Variants in CARS2 observed in about 807,000 individuals in gnomAD.
CARS2 encodes the protein cysteinyl-tRNA synthetase 2, mitochondrial.
In CARS2, 52 loss-of-function variants were observed where a neutral mutation model predicts 68.8. The ratio of observed to expected loss-of-function variants is 0.76; its 90% confidence interval spans 0.61 to 0.95. The LOEUF is 0.95. CARS2 is among the 40% of genes least tolerant of loss of function. The pLI is 0.00. For synonymous variants in CARS2, 314 were observed against 303.6 expected (o/e 1.03, Z -0.36); for missense variants, 780 against 754.2 (o/e 1.03, Z -0.40).
At position 110,696,105 on chromosome 13, in the gene CARS2, G is replaced by A. The variant is rs117097475; in HGVS notation, c.393+5333C>T. Among the ~76,000 whole-genome samples the A allele has an allele frequency of 2.1e-4, 32 of 152,270 alleles. No homozygotes were observed. In the East Asian group the frequency reaches 5.2e-3, roughly 25 times the overall value. On this transcript the variant is annotated intron_variant, in intron 3 of 14. Coordinates refer to ENST00000257347, the MANE Select transcript of CARS2 (RefSeq NM_024537.4). Reference sequence around the variant, plus strand: ...TCACCCGTGTCCCTGCAGAAGACATGAACCCATCCTTTTCTATGGCTGCAC... The same window carrying A: ...TCACCCGTGTCCCTGCAGAAGACATAAACCCATCCTTTTCTATGGCTGCAC...
chr13:110,682,707 G>A (rs988436983), intron 6 of CARS2, among the ~76,000 whole-genome samples: 5 of 152,152 alleles, frequency 3.3e-5, no homozygotes, highest in African/African-American at 9.7e-5. Flanking sequence ...TTAAATGTAC[G>A]GTAACACAGA....
chr13:110,701,571 T>A lies in CARS2; in HGVS notation c.276-16A>T, dbSNP rs1284569830. On this transcript the variant is annotated splice_polypyrimidine_tract_variant and intron_variant, in intron 2 of 14. Coordinates refer to ENST00000257347, the MANE Select transcript of CARS2 (RefSeq NM_024537.4). ...AACATATGAGCTGAAAGAAAAAAAGTGTCAGGATGTCTTTATTACACAAAG... is the reference window on the plus strand; with the variant it reads ...AACATATGAGCTGAAAGAAAAAAAGAGTCAGGATGTCTTTATTACACAAAG... 9.2e-7 allele frequency: 1 copy of A among 1,089,756 alleles called. No individual in the cohort carries two copies. Among genetic ancestry groups the A allele is most frequent in the East Asian group, 2.4e-5 (1 of 42,540 alleles). The allele number at this position is 1,089,756 out of a possible 1,614,324, so 67.5% of individuals were successfully genotyped here. A position where few individuals can be genotyped will look rare whatever the true frequency, so the allele number is the denominator to read the frequency against.
Position 110,687,825 on chromosome 13 carries a change from A to G in CARS2, c.467T>C (p.Val156Ala). Reference sequence around the variant, plus strand: ...CCTCAGGTACACCGTGGGTGGGAGAACCTGCAAGGAAGTGGAGACGTGACC... The same window carrying G: ...CCTCAGGTACACCGTGGGTGGGAGAGCCTGCAAGGAAGTGGAGACGTGACC... ...DFKQDMAALK[V>A]LPPTVYLRVT... The change falls in exon 5 of 15, where the codon GTT becomes GCT. Residue 156 changes from valine (V) to alanine (A), a missense_variant and splice_region_variant. By Grantham distance (64) the Val-to-Ala change is moderately conservative. Coordinates refer to ENST00000257347, the MANE Select transcript of CARS2 (RefSeq NM_024537.4). 6.2e-7 allele frequency: 1 copy of G among 1,602,772 alleles called. No individual in the cohort carries two copies. Among genetic ancestry groups the G allele is most frequent in the Non-Finnish European group, 8.5e-7 (1 of 1,170,940 alleles).
intron 3 of CARS2, among the ~76,000 whole-genome samples, chr13:110,695,552 A>T (rs1400186040): frequency 6.6e-6 from 1 of 152,172 alleles, no homozygotes; most frequent in Non-Finnish European, 1.5e-5. Context: ...GCAATGTGAC[A>T]TTATTCAGCC....
In CARS2 at chr13:110,641,419, G is replaced by T; in HGVS notation, c.*118C>A. On this transcript the variant is annotated 3_prime_UTR_variant, in exon 15 of 15. Transcript: ENST00000257347. ...AAACAGACGCCAGTGGGACACTGTT[G>T]GTTGCCTTACTTTAATGCTGACCTA... 1.2e-6 allele frequency: 1 copy of T among 805,894 alleles called. No individual in the cohort carries two copies. Among genetic ancestry groups the T allele is most frequent in the Non-Finnish European group, 2.2e-6 (1 of 458,110 alleles). The allele number at this position is 805,894 out of a possible 1,614,324, so 49.9% of individuals were successfully genotyped here.
intron 6 of CARS2, among the ~76,000 whole-genome samples, chr13:110,682,343 T>G (rs1281774151): frequency 2.0e-5 from 3 of 152,246 alleles, no homozygotes; most frequent in Non-Finnish European, 4.4e-5. Flanking sequence ...TGTGGGCGTC[T>G]GTGTTCCGGC....
chr13:110,669,831 G>A (rs938417016), intron 7 of CARS2, among the ~76,000 whole-genome samples: 7 of 152,096 alleles, frequency 4.6e-5, no homozygotes, highest in African/African-American at 1.7e-4. Context: ...TGTGACAGAC[G>A]GTACCTGGAA....
In CARS2 at chr13:110,676,543, A is replaced by C. The variant is rs2062955310; in HGVS notation, c.785+431T>G. ...TCCAGGAAGATCTGGGAGGAGCTGG[A>C]GATTTCCGCCACAGAGCACCCTGGC... On this transcript the variant is annotated intron_variant, in intron 7 of 14. Transcript: ENST00000257347. This position sits in a 1 kb window ranked among gnomAD's most constrained non-coding sequence, Gnocchi z 4.0. 6.6e-6 allele frequency among the ~76,000 whole-genome samples: 1 copy of C among 152,106 alleles called. No individual in the cohort carries two copies. The highest frequency in any genetic ancestry group is 1.5e-5 in the Non-Finnish European group (1 of 67,990).
At position 110,705,573 on chromosome 13, in the gene CARS2, T is replaced by C. The variant is rs2063916452; in HGVS notation, c.225-2A>G. On this transcript the variant is annotated splice_acceptor_variant, in intron 1 of 14. Coordinates refer to ENST00000257347, the MANE Select transcript of CARS2 (RefSeq NM_024537.4). LOFTEE classifies it high-confidence loss of function. The surrounding 1 kb of genome is among the most constrained non-coding windows in gnomAD (Gnocchi z 4.0). ...TATACAGTTGGTCCACAGCTATACC[T>C]GGAAACAAAGTTAAAATCCATCGTG... 1.9e-6 allele frequency: 3 copies of C among 1,612,360 alleles called. No individual in the cohort carries two copies. The highest frequency in any genetic ancestry group is 1.3e-5 in the African/African-American group (1 of 74,914).
At chr13:110,687,918 T>C (rs572218415) in intron 4 of CARS2, 29 bp downstream of exon 4, 4 of 1,595,996 alleles carry the variant, frequency 2.5e-6, no homozygotes, top group East Asian at 2.2e-5. Flanking sequence ...GTCACCCTCA[T>C]GGCAGGAACA....
Position 110,677,084 on chromosome 13 carries a change from A to G in CARS2, c.675T>C (p.His225=). 6.2e-7 allele frequency: 1 copy of G among 1,608,998 alleles called. No individual in the cohort carries two copies. The highest frequency in any genetic ancestry group is 8.5e-7 in the Non-Finnish European group (1 of 1,176,438). Reference sequence around the variant, plus strand: ...CCTTCCACAGGGCGAAGTCACTGGCATGACGCTTGTCAGAGTCCGCTGCAG... The same window carrying G: ...CCTTCCACAGGGCGAAGTCACTGGCGTGACGCTTGTCAGAGTCCGCTGCAG... The part of the protein sequence containing the change: ...VGEPADSDKR[H]ASDFALWKAA... Residue 225 remains histidine, a synonymous_variant, in exon 7 of 15, where the codon CAT becomes CAC. Transcript: ENST00000257347.
chr13:110,647,128 G>GAGCC lies in CARS2; in HGVS notation c.1162_1165dup (p.Ser389TrpfsTer26), dbSNP rs1467973159. ...CTCCCACAGCATCGCTTCCCTGACG[G>GAGCC]AGCCGCAGGCCAGCTGCCCCTTCAT... is the stretch of plus-strand genomic sequence containing the variant. On this transcript the variant is annotated frameshift_variant, in exon 11 of 15. Coordinates refer to ENST00000257347, the MANE Select transcript of CARS2 (RefSeq NM_024537.4). LOFTEE classifies it high-confidence loss of function. The GAGCC allele has an allele frequency of 1.9e-6, 3 of 1,603,126 alleles. No homozygotes were observed. Among genetic ancestry groups the GAGCC allele is most frequent in the Non-Finnish European group, 2.6e-6 (3 of 1,175,344 alleles).
chr13:110,647,321 A>G, intron 10 of CARS2, 82 bp from the exon 11 acceptor site: 1 of 1,514,592 alleles, frequency 6.6e-7, no homozygotes, highest in South Asian at 1.2e-5. Flanking sequence ...GTGTTTTCTG[A>G]GGGCACTGCC....
intron 6 of CARS2, among the ~76,000 whole-genome samples, chr13:110,678,357 G>A (rs2063033561): frequency 1.3e-5 from 2 of 152,252 alleles, no homozygotes; most frequent in Admixed American, 6.5e-5. Context: ...AGTGGCGCAT[G>A]CTCACCAAAA....
intron 3 of CARS2, among the ~76,000 whole-genome samples, chr13:110,693,529 T>G (rs1179009635): frequency 6.6e-6 from 1 of 151,978 alleles, no homozygotes; most frequent in African/African-American, 2.4e-5. Flanking sequence ...CCGGCTAATT[T>G]TTTGTATTTT....
intron 9 of CARS2, among the ~76,000 whole-genome samples, chr13:110,656,650 C>T (rs899189776): frequency 1.3e-5 from 2 of 151,956 alleles, no homozygotes; most frequent in Admixed American, 6.6e-5. Flanking sequence ...TTTGGGAGGC[C>T]GAGGCAGGTG....
At chr13:110,699,710 G>C (rs1174230857) in intron 3 of CARS2, among the ~76,000 whole-genome samples, 1 of 152,240 alleles carries the variant, frequency 6.6e-6, no homozygotes, top group Non-Finnish European at 1.5e-5. Context: ...ACAGCATGTG[G>C]GGCAAAGAGT....
At chr13:110,641,762 C>A (rs756292508) in intron 14 of CARS2, among the ~76,000 whole-genome samples, 154 bp from the exon 15 acceptor site, 1 of 152,252 alleles carries the variant, frequency 6.6e-6, no homozygotes, top group Admixed American at 6.5e-5. Flanking sequence ...CTACCTCCAG[C>A]AGAAGGCCAG....
intron 5 of CARS2, among the ~76,000 whole-genome samples, chr13:110,686,128 G>A (rs28712288): frequency 2.4e-4 from 36 of 152,164 alleles, no homozygotes; most frequent in African/African-American, 8.4e-4. Flanking sequence ...GACACGCGAA[G>A]CTAGCCAGAA....
Sources: gnomAD v4.1 joint callset for allele counts (sites outside exome capture counted in the v4.1 genomes callset) on GRCh38, gnomAD v4.1.1 for gene constraint, Gnocchi (gnomAD v3.1) non-coding constraint, MANE v1.5 for transcripts, NCBI Gene and HGNC (gene_info 2026-07-23, HGNC 2026-07-21) for gene names.